The following POFUT1 variants were observed in gnomAD, a reference collection of about 807,000 sequenced individuals.
POFUT1 encodes protein O-fucosyltransferase 1.
POFUT1 carries 16 observed loss-of-function variants against 42.4 expected under a neutral mutation model. The observed-to-expected ratio is 0.38, with a 90% CI of 0.26 to 0.57. The LOEUF (loss-of-function observed/expected upper bound fraction) is 0.57, where lower values mean the gene tolerates loss of function less well. Among genes scored for constraint, POFUT1 ranks in the 20% least tolerant of loss-of-function variants. POFUT1 has a pLI of 0.71. For synonymous variants in POFUT1, 206 were observed against 205.4 expected, an observed-to-expected ratio of 1.00 and a Z score of -0.03; for missense variants, 470 against 504.6, an observed-to-expected ratio of 0.93 and a Z score of 0.66.
rs754244276 is a variant in POFUT1, at chr20:32,215,392, G to T, written c.370G>T (p.Ala124Ser). 2.5e-6 allele frequency: 4 copies of T among 1,614,098 alleles called. No homozygotes were observed. In the East Asian group the frequency reaches 8.9e-5, roughly 36 times the overall value. ...PTHWPPEKRV[A>S]YCFEVAAQRS... The stretch of plus-strand genomic sequence containing the variant: ...CCACTGGCCCCCTGAGAAGCGGGTG[G>T]CATACTGCTTTGAGGTGGCAGCCCA... Residue 124 changes from alanine (A) to serine (S), a missense_variant, in exon 3 of 7, where the codon GCA (alanine) becomes TCA (serine). Physicochemically the swap from Ala to Ser is moderately conservative, Grantham distance 99. Coordinates refer to ENST00000375749, the MANE Select transcript of POFUT1 (RefSeq NM_015352.2).
In POFUT1 at chr20:32,215,455, G is replaced by A. The variant is rs965998458; in HGVS notation, c.429+4G>A. ...TAAGAAGACGTGCCCCATGAAGGTGGGTCCTGTGGGTTCGGGGGCCCTTTC... is the reference window on the plus strand; with the variant it reads ...TAAGAAGACGTGCCCCATGAAGGTGAGTCCTGTGGGTTCGGGGGCCCTTTC... On this transcript the variant is annotated splice_donor_region_variant and intron_variant, in intron 3 of 6. Coordinates refer to ENST00000375749, the MANE Select transcript of POFUT1 (RefSeq NM_015352.2). 11 of 1,600,358 alleles carry A rather than the reference G, an allele frequency of 6.9e-6. No homozygotes were observed. The highest frequency in any genetic ancestry group is 4.0e-5 in the African/African-American group (3 of 74,626).
In POFUT1 at chr20:32,215,253, C is replaced by T. The variant is rs545433291; in HGVS notation, c.247-16C>T. ...GGGGCACTGAGACGGGACCTCTGCT[C>T]CTCCTTTTCCTGTAGCTCCATGTGT... On this transcript the variant is annotated splice_polypyrimidine_tract_variant and intron_variant, in intron 2 of 6. Transcript: ENST00000375749. The T allele has an allele frequency of 1.3e-6, 2 of 1,598,086 alleles. No homozygotes were observed. The highest frequency in any genetic ancestry group is 1.7e-5 in the Admixed American group (1 of 59,614).
intron 1 of POFUT1, among the ~76,000 whole-genome samples, chr20:32,209,392 C>T (rs1211207296): frequency 2.6e-5 from 4 of 152,200 alleles, no homozygotes; most frequent in Admixed American, 1.3e-4. Flanking sequence ...TTTAGTGTCT[C>T]TGCAGTGAAC....
At chr20:32,219,646 G>A (rs1183907024) in intron 4 of POFUT1, among the ~76,000 whole-genome samples, 11 of 151,398 alleles carry the variant, frequency 7.3e-5, no homozygotes, top group East Asian at 3.9e-4. Context: ...ACAGGCGCCC[G>A]CCACCACGCC....
chr20:32,220,646 G>A (rs1275628913), intron 4 of POFUT1, among the ~76,000 whole-genome samples: 3 of 152,154 alleles, frequency 2.0e-5, no homozygotes, highest in Admixed American at 1.3e-4. Context: ...AGGAGGCTGA[G>A]GCATAAGAAT....
intron 2 of POFUT1, among the ~76,000 whole-genome samples, chr20:32,210,705 A>G (rs2122562343): frequency 6.6e-6 from 1 of 152,274 alleles, no homozygotes; most frequent in Middle Eastern, 3.4e-3. Context: ...CTCTCACCCC[A>G]TCAAGGGGCT....
At chr20:32,223,123 C>T in intron 4 of POFUT1, 1 of 985,450 alleles carries the variant, frequency 1.0e-6, no homozygotes, top group Non-Finnish European at 1.2e-6. Flanking sequence ...TGGAGAATCT[C>T]AGCAGCACAG....
intron 4 of POFUT1, among the ~76,000 whole-genome samples, chr20:32,221,708 C>T (rs1003997274): frequency 4.1e-5 from 6 of 146,910 alleles, no homozygotes; most frequent in African/African-American, 8.1e-5. Context: ...AGATTGAGAC[C>T]ATCTTAAAAA....
intron 2 of POFUT1, among the ~76,000 whole-genome samples, chr20:32,211,937 C>T (rs1430697750): frequency 2.0e-5 from 3 of 152,162 alleles, no homozygotes; most frequent in African/African-American, 7.2e-5. Flanking sequence ...TTCTCTCCAC[C>T]CACTGTTTAG....
rs1250133553 is a variant in POFUT1, at chr20:32,231,073, C to G, written c.978+12C>G. ...TCTTCAAAGGGAAGGTATGTGTGGG[C>G]CAAGTGGGAGTGCAGTAGGAAGGGA... On this transcript the variant is annotated intron_variant, in intron 6 of 6. Coordinates refer to ENST00000375749, the MANE Select transcript of POFUT1 (RefSeq NM_015352.2). 6.2e-7 allele frequency: 1 copy of G among 1,613,866 alleles called. No individual in the cohort carries two copies. Among genetic ancestry groups the G allele is most frequent in the East Asian group, 2.2e-5 (1 of 44,774 alleles).
intron 1 of POFUT1, among the ~76,000 whole-genome samples, chr20:32,209,673 G>A (rs1009845851): frequency 4.6e-5 from 7 of 152,226 alleles, no homozygotes. Context: ...AAGGTGGGAG[G>A]TAAAGGAGGG....
chr20:32,215,405 A>T lies in POFUT1; in HGVS notation c.383A>T (p.Glu128Val). 5 of 1,613,954 alleles carry T rather than the reference A, an allele frequency of 3.1e-6. No individual in the cohort carries two copies. The highest frequency in any genetic ancestry group is 2.5e-6 in the Non-Finnish European group (3 of 1,179,926). The change falls in exon 3 of 7, where the codon GAG (glutamate) becomes GTG (valine). Residue 128 changes from glutamate (E) to valine (V), a missense_variant. Physicochemically the swap from Glu to Val is moderately radical, Grantham distance 121. Coordinates refer to ENST00000375749, the MANE Select transcript of POFUT1 (RefSeq NM_015352.2). The stretch of plus-strand genomic sequence containing the variant: ...GAGAAGCGGGTGGCATACTGCTTTG[A>T]GGTGGCAGCCCAGCGAAGCCCAGAT... ...PPEKRVAYCF[E>V]VAAQRSPDKK...
chr20:32,216,602 T>C lies in POFUT1; in HGVS notation c.430-7T>C. On this transcript the variant is annotated splice_region_variant and splice_polypyrimidine_tract_variant and intron_variant, in intron 3 of 6. Transcript: ENST00000375749. ...TCAGTAAGCCTTCCACCACTCTCTTTCTGCAGGAAGGAAACCCCTTTGGCC... is the reference window on the plus strand; with the variant it reads ...TCAGTAAGCCTTCCACCACTCTCTTCCTGCAGGAAGGAAACCCCTTTGGCC... 1 of 1,584,638 alleles carries C rather than the reference T, an allele frequency of 6.3e-7. No homozygotes were observed. The highest frequency in any genetic ancestry group is 8.7e-7 in the Non-Finnish European group (1 of 1,153,188).
At chr20:32,226,452 CTGTGTGTG>C (rs33999719) in intron 4 of POFUT1, among the ~76,000 whole-genome samples, 1 of 147,626 alleles carries the variant, frequency 6.8e-6, no homozygotes, top group African/African-American at 2.5e-5. Context: ...GAGTGCATGC[CTGTGTGTG>C]TGTGTGTGTG....
intron 4 of POFUT1, among the ~76,000 whole-genome samples, chr20:32,227,721 C>T (rs541264005): frequency 1.9e-4 from 29 of 152,198 alleles, no homozygotes; most frequent in Non-Finnish European, 3.7e-4. Flanking sequence ...TGCTCCCTTC[C>T]ATAGCGCAGG....
chr20:32,227,790 T>C (rs2047422270), intron 4 of POFUT1, among the ~76,000 whole-genome samples: 1 of 152,316 alleles, frequency 6.6e-6, no homozygotes. Flanking sequence ...TCAATAAATG[T>C]TTTTTAAATG....
At chr20:32,224,013 G>T (rs1188482435) in intron 4 of POFUT1, among the ~76,000 whole-genome samples, 1 of 152,150 alleles carries the variant, frequency 6.6e-6, no homozygotes, top group Non-Finnish European at 1.5e-5. Context: ...AAAATCAAAT[G>T]ACTTAATATA....
intron 4 of POFUT1, chr20:32,223,343 G>A (rs2047399751): frequency 5.1e-6 from 5 of 985,394 alleles, no homozygotes; most frequent in Non-Finnish European, 6.0e-6. Flanking sequence ...AAGTAAGTGA[G>A]CAGATCAGCC....
intron 5 of POFUT1, among the ~76,000 whole-genome samples, chr20:32,228,954 A>G (rs375159813): frequency 6.6e-6 from 1 of 152,250 alleles, no homozygotes; most frequent in East Asian, 1.9e-4. Context: ...GGTCACCTTG[A>G]TTTACCTAAG....
Sources: allele counts gnomAD v4.1 joint callset (sites outside exome capture counted in the v4.1 genomes callset), GRCh38; gene constraint gnomAD v4.1.1; transcripts MANE v1.5; gene names NCBI Gene and HGNC (gene_info 2026-07-23, HGNC 2026-07-21).